The following DPYD variants were observed in gnomAD, a reference collection of about 807,000 sequenced individuals.
DPYD encodes the protein dihydropyrimidine dehydrogenase [NADP(+)].
A neutral mutation model predicts 116.2 loss-of-function variants in DPYD; 109 were observed. The ratio of observed to expected loss-of-function variants is 0.94; its 90% CI spans 0.80 to 1.10. The LOEUF is 1.10. Ranked by LOEUF, DPYD falls within the 50% of genes least tolerant of loss-of-function variation. The pLI, the probability that DPYD is intolerant of heterozygous loss-of-function variation, is 0.00. For synonymous variants in DPYD, 440 were observed against 432.0 expected (o/e 1.02, Z -0.23); for missense variants, 1,302 against 1,254.5 (o/e 1.04, Z -0.57).
At chr1:97,270,484 A>G (rs1311600178) in intron 18 of DPYD, among the ~76,000 whole-genome samples, 1 of 152,180 alleles carries the variant, frequency 6.6e-6, no homozygotes, top group African/African-American at 2.4e-5. Context: ...CATTTACACC[A>G]TTCCCCATTC....
intron 21 of DPYD, among the ~76,000 whole-genome samples, chr1:97,088,518 C>T (rs1557855783): frequency 2.0e-5 from 3 of 152,156 alleles, no homozygotes; most frequent in East Asian, 1.9e-4. Flanking sequence ...TTTCATCACT[C>T]CTCTGTCTTG....
intron 12 of DPYD, among the ~76,000 whole-genome samples, chr1:97,541,279 C>T (rs183726944): frequency 7.9e-5 from 12 of 152,144 alleles, no homozygotes; most frequent in African/African-American, 2.4e-4. Context: ...TATATGGATG[C>T]AAAAAGAAAG....
chr1:97,370,550 G>A (rs1179459781), intron 16 of DPYD, among the ~76,000 whole-genome samples: 2 of 152,064 alleles, frequency 1.3e-5, no homozygotes, highest in African/African-American at 4.8e-5. Context: ...AAACCTGCAC[G>A]TTCAGCTCAT....
At chr1:97,198,587 T>C (rs944589579) in intron 19 of DPYD, among the ~76,000 whole-genome samples, 2 of 152,168 alleles carry the variant, frequency 1.3e-5, no homozygotes, top group Admixed American at 6.6e-5. Flanking sequence ...CAAAGGTAAA[T>C]CGTTCTTGTT....
At chr1:97,308,174 T>C (rs1487503147) in intron 16 of DPYD, among the ~76,000 whole-genome samples, 1 of 151,832 alleles carries the variant, frequency 6.6e-6, no homozygotes, top group Non-Finnish European at 1.5e-5. Context: ...GTGACTGCTT[T>C]AAATGACTGC....
At chr1:97,762,900 T>C (rs2101132072) in intron 3 of DPYD, among the ~76,000 whole-genome samples, 1 of 152,218 alleles carries the variant, frequency 6.6e-6, no homozygotes, top group South Asian at 2.1e-4. Flanking sequence ...ATATGCGTCG[T>C]CACAACTGCT....
intron 12 of DPYD, chr1:97,546,182 G>C: frequency 6.7e-7 from 1 of 1,482,310 alleles, no homozygotes; most frequent in Admixed American, 1.7e-5. Flanking sequence ...AAGATGGGCA[G>C]GGTGAAACTA....
intron 18 of DPYD, among the ~76,000 whole-genome samples, chr1:97,246,905 C>T (rs868344749): frequency 6.6e-6 from 1 of 152,014 alleles, no homozygotes; most frequent in Non-Finnish European, 1.5e-5. Context: ...ATAAATATTG[C>T]TATTTACTGC....
chr1:97,644,097 T>C (rs1318965096), intron 8 of DPYD, among the ~76,000 whole-genome samples: 2 of 151,734 alleles, frequency 1.3e-5, no homozygotes, highest in African/African-American at 4.8e-5. Flanking sequence ...AAAAGAAAAT[T>C]GTATTTTTAA....
intron 4 of DPYD, 94 bp downstream of exon 4, chr1:97,740,298 A>C (rs1012069905): frequency 4.7e-6 from 5 of 1,056,290 alleles, no homozygotes; most frequent in Non-Finnish European, 7.3e-6. Context: ...GTTTAACTGG[A>C]TTTGCTAAGA....
intron 8 of DPYD, among the ~76,000 whole-genome samples, chr1:97,627,025 A>G (rs1196811786): frequency 1.3e-5 from 2 of 152,034 alleles, no homozygotes; most frequent in Non-Finnish European, 2.9e-5. Context: ...GTGTGTCAGC[A>G]TGTCTGGATC....
chr1:97,814,216 G>A (rs763844732), intron 3 of DPYD, among the ~76,000 whole-genome samples: 1 of 152,108 alleles, frequency 6.6e-6, no homozygotes, highest in African/African-American at 2.4e-5. Context: ...AAAGTTTTAG[G>A]GATGGAAAGA....
intron 18 of DPYD, among the ~76,000 whole-genome samples, chr1:97,277,797 AT>A (rs1272079122): frequency 1.3e-5 from 2 of 152,186 alleles, no homozygotes; most frequent in African/African-American, 4.8e-5. Context: ...CATGGTGCCC[AT>A]TTATTTAGAA....
intron 10 of DPYD, among the ~76,000 whole-genome samples, chr1:97,582,148 G>C (rs1653732271): frequency 6.6e-6 from 1 of 152,296 alleles, no homozygotes; most frequent in African/African-American, 2.4e-5. Context: ...ATAACTATCT[G>C]AGTATAAATT....
At chr1:97,185,076 T>C (rs759708839) in intron 20 of DPYD, among the ~76,000 whole-genome samples, 2 of 152,160 alleles carry the variant, frequency 1.3e-5, no homozygotes, top group Non-Finnish European at 2.9e-5. Context: ...TATGATTGGA[T>C]GTTGGATTTT....
intron 13 of DPYD, among the ~76,000 whole-genome samples, chr1:97,454,536 C>A (rs755592654): frequency 4.0e-5 from 6 of 151,704 alleles, no homozygotes; most frequent in Non-Finnish European, 7.4e-5. Flanking sequence ...AGTGCATTAA[C>A]GATATTCAGA....
At chr1:97,190,260 T>C (rs1030302177) in intron 20 of DPYD, among the ~76,000 whole-genome samples, 1 of 152,228 alleles carries the variant, frequency 6.6e-6, no homozygotes, top group African/African-American at 2.4e-5. Context: ...ATTTATTGTT[T>C]ACTTTCTCCA....
At chr1:97,857,728 C>T (rs1449350478) in intron 2 of DPYD, among the ~76,000 whole-genome samples, 3 of 152,134 alleles carry the variant, frequency 2.0e-5, no homozygotes, top group African/African-American at 7.2e-5. Context: ...GTCCTGTGAG[C>T]TGCTTCAACA....
chr1:97,552,902 C>T (rs1004743470), intron 11 of DPYD, among the ~76,000 whole-genome samples: 1 of 151,980 alleles, frequency 6.6e-6, no homozygotes, highest in Non-Finnish European at 1.5e-5. Flanking sequence ...AGAGATCACA[C>T]AGCTGGTTAT....
Sources: allele counts gnomAD v4.1 joint callset (sites outside exome capture counted in the v4.1 genomes callset), GRCh38; gene constraint gnomAD v4.1.1; transcripts MANE v1.5; gene names NCBI Gene and HGNC (gene_info 2026-07-23, HGNC 2026-07-21).